Variants in ARHGEF3 observed in about 807,000 individuals in gnomAD.
The protein encoded by ARHGEF3 is Rho guanine nucleotide exchange factor 3.
In ARHGEF3, 28 loss-of-function variants were observed where a neutral mutation model predicts 63.2. That is an observed-to-expected ratio of 0.44 (90% CI 0.33 to 0.61). The LOEUF (loss-of-function observed/expected upper bound fraction) is 0.61. Among genes scored for constraint, ARHGEF3 ranks in the 20% least tolerant of loss-of-function variants. The pLI is 0.03. For missense variants in ARHGEF3, 533 were observed against 659.3 expected (o/e 0.81, Z 2.10); for synonymous variants, 266 against 254.2 (o/e 1.05, Z -0.44).
chr3:56,759,342 T>C (rs2035283191), intron 2 of ARHGEF3, among the ~76,000 whole-genome samples: 1 of 151,780 alleles, frequency 6.6e-6, no homozygotes, highest in Admixed American at 6.6e-5. Flanking sequence ...CAGGCCCAGC[T>C]AATTTTTTTG....
intron 4 of ARHGEF3, among the ~76,000 whole-genome samples, chr3:56,834,376 A>C (rs376169523): frequency 6.6e-6 from 1 of 152,202 alleles, no homozygotes; most frequent in East Asian, 1.9e-4. Context: ...CATAGTAAGA[A>C]AAACTAGAAG....
Position 56,753,489 on chromosome 3 carries a change from T to G in ARHGEF3, c.438+15A>C. ...AATGTGACTTGACTCAAGTGACTGC[T>G]GGATTTAAATTTACCTTTTTTGCTA... On this transcript the variant is annotated intron_variant, in intron 4 of 9. Coordinates refer to ENST00000296315, the MANE Select transcript of ARHGEF3 (RefSeq NM_019555.3). 6.2e-7 allele frequency: 1 copy of G among 1,612,192 alleles called. No homozygotes were observed. Among genetic ancestry groups the G allele is most frequent in the South Asian group, 1.1e-5 (1 of 90,726 alleles).
At chr3:57,016,214 C>G (rs903730162) in intron 2 of ARHGEF3, among the ~76,000 whole-genome samples, 3 of 152,112 alleles carry the variant, frequency 2.0e-5, no homozygotes, top group Non-Finnish European at 4.4e-5. Flanking sequence ...TGGTAAGACG[C>G]AGGCAGGTGG....
intron 4 of ARHGEF3, among the ~76,000 whole-genome samples, chr3:56,862,633 C>T (rs533680736): frequency 6.6e-6 from 1 of 152,278 alleles, no homozygotes; most frequent in South Asian, 2.1e-4. Context: ...TGAGACTGAC[C>T]AGCAAATTAC....
At chr3:57,002,506 A>ATATATATATATATATATATATG in intron 2 of ARHGEF3, among the ~76,000 whole-genome samples, 1 of 76,394 alleles carries the variant, frequency 1.3e-5, no homozygotes, top group Non-Finnish European at 2.9e-5. Flanking sequence ...TGTTATATAT[A>ATATATATATATATATATATATG]TATATATGTT....
At chr3:57,039,964 CT>C (rs2107250130) in intron 1 of ARHGEF3, among the ~76,000 whole-genome samples, 1 of 152,288 alleles carries the variant, frequency 6.6e-6, no homozygotes, top group African/African-American at 2.4e-5. Context: ...TCAGAAACAT[CT>C]TTTGGGAGGG....
At chr3:56,935,086 T>C (rs940473233) in intron 3 of ARHGEF3, among the ~76,000 whole-genome samples, 3 of 150,896 alleles carry the variant, frequency 2.0e-5, no homozygotes, top group African/African-American at 7.4e-5. Flanking sequence ...TATGTCTAGC[T>C]CAGGGATTGT....
intron 3 of ARHGEF3, among the ~76,000 whole-genome samples, chr3:56,906,594 G>A (rs1359255468): frequency 1.3e-5 from 2 of 152,148 alleles, no homozygotes; most frequent in South Asian, 2.1e-4. Flanking sequence ...CTAGCACTTC[G>A]GGAGGCCGAG....
chr3:56,881,094 T>C (rs2040749823), intron 4 of ARHGEF3, among the ~76,000 whole-genome samples: 1 of 152,156 alleles, frequency 6.6e-6, no homozygotes, highest in Non-Finnish European at 1.5e-5. Flanking sequence ...ACAATCCATA[T>C]CTAATGAGTT....
chr3:56,733,867 C>A (rs2033398345), intron 8 of ARHGEF3, among the ~76,000 whole-genome samples: 1 of 151,554 alleles, frequency 6.6e-6, no homozygotes, highest in Non-Finnish European at 1.5e-5. Context: ...GCCTATAATC[C>A]CAGCTACTCA....
intron 1 of ARHGEF3, among the ~76,000 whole-genome samples, chr3:57,054,770 C>A (rs1332519861): frequency 6.6e-6 from 1 of 151,474 alleles, no homozygotes. Context: ...CCTGCCTTAG[C>A]CTCCCGAGTA....
intron 3 of ARHGEF3, among the ~76,000 whole-genome samples, chr3:56,893,404 CTT>C (rs996716334): frequency 6.6e-6 from 1 of 152,192 alleles, no homozygotes; most frequent in Admixed American, 6.5e-5. Context: ...GTCTTGAACT[CTT>C]GGGCTCAAGT....
intron 1 of ARHGEF3, among the ~76,000 whole-genome samples, chr3:57,040,479 GAAAA>G (rs1161565211): frequency 8.8e-5 from 2 of 22,824 alleles, no homozygotes; most frequent in African/African-American, 1.9e-4. Context: ...TCCGTCAAAA[GAAAA>G]GAAAAGAAAA....
chr3:56,897,035 C>G (rs1456004360), intron 3 of ARHGEF3, among the ~76,000 whole-genome samples: 1 of 152,360 alleles, frequency 6.6e-6, no homozygotes, highest in South Asian at 2.1e-4. Flanking sequence ...TTAGTGTCCA[C>G]TGACGATTTT....
At chr3:57,065,924 G>T (rs1705501473) in intron 1 of ARHGEF3, among the ~76,000 whole-genome samples, 1 of 151,970 alleles carries the variant, frequency 6.6e-6, no homozygotes, top group African/African-American at 2.4e-5. Context: ...GTCTTAAAAT[G>T]AAATCTAAGA....
At chr3:57,027,095 A>G (rs1421716923) in intron 2 of ARHGEF3, among the ~76,000 whole-genome samples, 1 of 152,190 alleles carries the variant, frequency 6.6e-6, no homozygotes, top group East Asian at 1.9e-4. Flanking sequence ...TGAACTGATA[A>G]GAGACTAATG....
At chr3:57,061,872 CCTT>C (rs1381413513) in intron 1 of ARHGEF3, among the ~76,000 whole-genome samples, 1 of 152,190 alleles carries the variant, frequency 6.6e-6, no homozygotes, top group African/African-American at 2.4e-5. Context: ...GAGAGGTCCT[CCTT>C]CTCAGATGGC....
At chr3:56,734,235 C>G (rs562008728) in intron 8 of ARHGEF3, among the ~76,000 whole-genome samples, 2 of 152,124 alleles carry the variant, frequency 1.3e-5, no homozygotes, top group Non-Finnish European at 2.9e-5. Flanking sequence ...TGCTTACGAA[C>G]TGAAGTGAAA....
At chr3:56,968,451 C>T (rs1001378417) in intron 2 of ARHGEF3, among the ~76,000 whole-genome samples, 10 of 141,182 alleles carry the variant, frequency 7.1e-5, no homozygotes, top group South Asian at 4.3e-4. Flanking sequence ...GTGATACTCC[C>T]GCCTCAGCCT....
Sources: gnomAD v4.1 joint callset for allele counts (sites outside exome capture counted in the v4.1 genomes callset) on GRCh38, gnomAD v4.1.1 for gene constraint, MANE v1.5 for transcripts, NCBI Gene and HGNC (gene_info 2026-07-23, HGNC 2026-07-21) for gene names.